Variants in NUP37 observed in about 807,000 individuals in gnomAD.
The protein encoded by NUP37 is nucleoporin 37.
A neutral mutation model predicts 45.4 loss-of-function variants in NUP37; 33 were observed. The observed-to-expected ratio is 0.73, with a 90% CI of 0.55 to 0.97. The LOEUF is 0.97. NUP37 is among the 50% of genes least tolerant of loss of function. The probability of loss-of-function intolerance (pLI) is 0.00; values close to 1 mark genes in which losing one functional copy is unlikely to be tolerated. For synonymous variants in NUP37, 127 were observed against 130.7 expected, an observed-to-expected ratio of 0.97 and a Z score of 0.19; for missense variants, 365 against 389.7, an observed-to-expected ratio of 0.94 and a Z score of 0.53.
intron 2 of NUP37, 43 bp from the exon 3 acceptor site, chr12:102,112,275 A>C: frequency 6.7e-7 from 1 of 1,503,080 alleles, no homozygotes; most frequent in Non-Finnish European, 9.2e-7. Flanking sequence ...ATGAGAACAA[A>C]CAATATAATA....
chr12:102,101,128 T>C (rs757604441), intron 3 of NUP37, 24 bp from the exon 4 acceptor site: 4 of 1,428,922 alleles, frequency 2.8e-6, no homozygotes, highest in Admixed American at 3.9e-5. Flanking sequence ...AACAAAAATA[T>C]ACCAATTTTT....
intron 9 of NUP37, 129 bp from the exon 10 acceptor site, chr12:102,074,596 T>C (rs1879116231): frequency 8.2e-6 from 5 of 612,762 alleles, no homozygotes; most frequent in Admixed American, 3.0e-5. Flanking sequence ...AAAAATATGC[T>C]CCCTTACAGG....
intron 2 of NUP37, 86 bp from the exon 3 acceptor site, chr12:102,112,318 G>C: frequency 9.0e-7 from 1 of 1,113,248 alleles, no homozygotes. Flanking sequence ...TTTATCAGGA[G>C]GTTATGCTTA....
At chr12:102,079,122 G>C (rs1879263385) in intron 6 of NUP37, 2 of 447,568 alleles carry the variant, frequency 4.5e-6, no homozygotes, top group Non-Finnish European at 4.5e-6. Context: ...GGTGTAAATA[G>C]TAGTGGTAGA....
intron 5 of NUP37, among the ~76,000 whole-genome samples, chr12:102,090,430 G>C (rs1355700580): frequency 1.3e-5 from 2 of 152,142 alleles, no homozygotes; most frequent in East Asian, 3.9e-4. Flanking sequence ...TGTTGCATGT[G>C]TATGAAGAGG....
intron 5 of NUP37, among the ~76,000 whole-genome samples, chr12:102,096,200 G>A (rs1308868264): frequency 6.6e-6 from 1 of 152,066 alleles, no homozygotes; most frequent in Admixed American, 6.5e-5. Flanking sequence ...ATTATAAAAT[G>A]TTTGTTAGAA....
chr12:102,116,582 A>G (rs945752383), intron 2 of NUP37, among the ~76,000 whole-genome samples: 2 of 152,178 alleles, frequency 1.3e-5, no homozygotes, highest in Non-Finnish European at 2.9e-5. Context: ...TTCTACTCAG[A>G]CAGCAACAAA....
intron 5 of NUP37, among the ~76,000 whole-genome samples, chr12:102,090,923 A>G (rs1879631887): frequency 6.6e-6 from 1 of 152,206 alleles, no homozygotes; most frequent in South Asian, 2.1e-4. Context: ...TTTGTTATCT[A>G]AGAAACTTTT....
chr12:102,102,365 G>A (rs1879997104), intron 3 of NUP37, among the ~76,000 whole-genome samples: 1 of 152,178 alleles, frequency 6.6e-6, no homozygotes. Context: ...GGTCTTCTCA[G>A]AGGCAAAATT....
rs1404159943 is a variant in NUP37, at chr12:102,101,059, T to C, written c.327A>G (p.Ser109=). ...TATATTCATTTTTATCCTGAAGATC[T>C]GAAGTAAATAATCTAATTTTCATAT... ...AADMKIRLFT[S]DLQDKNEYKV... is the part of the protein sequence containing the mutation. Residue 109 remains serine (S), a synonymous_variant, in exon 4 of 10, where the codon TCA becomes TCG. Transcript: ENST00000552283. The C allele has an allele frequency of 1.3e-6, 2 of 1,560,100 alleles. No individual in the cohort carries two copies. The highest frequency in any genetic ancestry group is 1.9e-5 in the Admixed American group (1 of 53,816).
At chr12:102,106,478 T>C (rs1383533663) in intron 3 of NUP37, among the ~76,000 whole-genome samples, 1 of 152,122 alleles carries the variant, frequency 6.6e-6, no homozygotes, top group Non-Finnish European at 1.5e-5. Flanking sequence ...GAAGATGACA[T>C]TTAAAAACTC....
chr12:102,088,050 G>A (rs1879522254), intron 5 of NUP37, among the ~76,000 whole-genome samples: 2 of 152,090 alleles, frequency 1.3e-5, no homozygotes, highest in South Asian at 2.1e-4. Flanking sequence ...CAAGGGATTG[G>A]GATAAAATGA....
intron 5 of NUP37, among the ~76,000 whole-genome samples, chr12:102,089,830 A>G (rs1448359171): frequency 6.6e-6 from 1 of 152,212 alleles, no homozygotes. Context: ...TCAGTACACA[A>G]CAACATATAT....
intron 5 of NUP37, among the ~76,000 whole-genome samples, chr12:102,096,212 G>C (rs190899106): frequency 1.1e-4 from 17 of 152,174 alleles, no homozygotes; most frequent in South Asian, 6.2e-4. Flanking sequence ...TTGTTAGAAA[G>C]GCAGTGTTGG....
At chr12:102,119,176 C>G (rs930993884) in intron 1 of NUP37, 8 of 152,106 alleles carry the variant, frequency 5.3e-5, no homozygotes, top group Admixed American at 3.9e-4. Context: ...TATGACTCAA[C>G]GTGAAAAGGG....
chr12:102,095,667 CT>C (rs1439309186), intron 5 of NUP37, among the ~76,000 whole-genome samples: 1 of 152,060 alleles, frequency 6.6e-6, no homozygotes, highest in Non-Finnish European at 1.5e-5. Context: ...ACTTGTCATA[CT>C]TTTCATACAG....
At chr12:102,116,178 C>T (rs1880455734) in intron 2 of NUP37, among the ~76,000 whole-genome samples, 1 of 152,104 alleles carries the variant, frequency 6.6e-6, no homozygotes, top group Non-Finnish European at 1.5e-5. Flanking sequence ...TTCCTTCTTT[C>T]TCCCAACTTC....
chr12:102,117,240 G>A (rs1880490509), intron 2 of NUP37, among the ~76,000 whole-genome samples: 1 of 151,942 alleles, frequency 6.6e-6, no homozygotes, highest in Non-Finnish European at 1.5e-5. Context: ...AATGACTTGA[G>A]GTCAGGAGTT....
At chr12:102,098,427 A>G (rs1879874265) in intron 5 of NUP37, among the ~76,000 whole-genome samples, 1 of 152,190 alleles carries the variant, frequency 6.6e-6, no homozygotes, top group African/African-American at 2.4e-5. Context: ...GTCATAGTTC[A>G]TTATTCCACA....
Sources: allele counts gnomAD v4.1 joint callset (sites outside exome capture counted in the v4.1 genomes callset), GRCh38; gene constraint gnomAD v4.1.1; transcripts MANE v1.5; gene names NCBI Gene and HGNC (gene_info 2026-07-23, HGNC 2026-07-21).